Variants in PARP8 observed in about 807,000 individuals in gnomAD.
PARP8 encodes protein mono-ADP-ribosyltransferase PARP8.
PARP8 carries 51 observed loss-of-function variants against 124.1 expected under a neutral mutation model. The ratio of observed to expected loss-of-function variants is 0.41; its 90% confidence interval spans 0.33 to 0.52. The LOEUF is 0.52. Among genes scored for constraint, PARP8 ranks in the 20% least tolerant of loss-of-function variants. The pLI is 0.21. For synonymous variants in PARP8, 391 were observed against 361.5 expected, an observed-to-expected ratio of 1.08 and a Z score of -0.93; for missense variants, 860 against 1,018.9, an observed-to-expected ratio of 0.84 and a Z score of 2.12.
intron 2 of PARP8, chr5:50,744,590 T>G (rs113384542): frequency 1.3e-5 from 7 of 518,666 alleles, no homozygotes; most frequent in African/African-American, 9.5e-5. Flanking sequence ...AAGTTGTGAC[T>G]TTAAGAACCA....
At chr5:50,720,781 A>C (rs1755795732) in intron 2 of PARP8, among the ~76,000 whole-genome samples, 1 of 151,866 alleles carries the variant, frequency 6.6e-6, no homozygotes, top group South Asian at 2.1e-4. Flanking sequence ...CATGAAATAC[A>C]CCATGCTTTT....
At chr5:50,803,059 A>G (rs529119756) in intron 14 of PARP8, among the ~76,000 whole-genome samples, 1 of 152,232 alleles carries the variant, frequency 6.6e-6, no homozygotes, top group African/African-American at 2.4e-5. Context: ...TATTGTTTGA[A>G]GGATAGTTAT....
chr5:50,819,849 CTAGAG>C (rs1183755519), intron 15 of PARP8, among the ~76,000 whole-genome samples: 1 of 152,038 alleles, frequency 6.6e-6, no homozygotes, highest in Non-Finnish European at 1.5e-5. Context: ...ATGTGCATCT[CTAGAG>C]TAGAAGGAAT....
chr5:50,761,795 T>C (rs370274992), intron 5 of PARP8, 26 bp from the exon 6 acceptor site: 3 of 1,419,072 alleles, frequency 2.1e-6, no homozygotes, highest in Non-Finnish European at 2.0e-6. Flanking sequence ...GACCATTAAA[T>C]TGTTTTCTTA....
At chr5:50,821,475 C>A in intron 16 of PARP8, 137 bp downstream of exon 16, 1 of 979,398 alleles carries the variant, frequency 1.0e-6, no homozygotes, top group Non-Finnish European at 1.5e-6. Context: ...TATTTAATTT[C>A]ATCATATATT....
At position 50,706,841 on chromosome 5, in the gene PARP8, C is replaced by A. The variant is rs73101011; in HGVS notation, c.146+38716C>A. On this transcript the variant is annotated intron_variant, in intron 2 of 25. Transcript: ENST00000281631. ...AAAACAGATACCTTTTACCAGAGTGCTTTTACTTAAGTAAAACTTGGTTAA... is the reference window on the plus strand; with the variant it reads ...AAAACAGATACCTTTTACCAGAGTGATTTTACTTAAGTAAAACTTGGTTAA... Among the ~76,000 whole-genome samples, 1,024 of 152,066 alleles carry A rather than the reference C, an allele frequency of 6.7e-3. 17 individuals are homozygous for A. Among genetic ancestry groups the A allele is most frequent in the African/African-American group, 0.024 (983 of 41,510 alleles).
chr5:50,821,382 C>T (rs377348813), intron 16 of PARP8, 44 bp downstream of exon 16: 37 of 1,600,048 alleles, frequency 2.3e-5, no homozygotes, highest in Admixed American at 6.7e-5. Flanking sequence ...TTTTCTTTAA[C>T]AATAACAACA....
intron 7 of PARP8, among the ~76,000 whole-genome samples, chr5:50,772,255 A>G (rs1444312688): frequency 6.6e-6 from 1 of 152,124 alleles, no homozygotes; most frequent in Non-Finnish European, 1.5e-5. Context: ...TCATCTGTTA[A>G]TGGACACTTA....
At chr5:50,707,388 ATTT>A (rs1360604867) in intron 2 of PARP8, among the ~76,000 whole-genome samples, 1 of 152,118 alleles carries the variant, frequency 6.6e-6, no homozygotes, top group African/African-American at 2.4e-5. Flanking sequence ...TTAAATTTAG[ATTT>A]TTTATTTTTT....
At chr5:50,691,527 A>G (rs1752496472) in intron 2 of PARP8, among the ~76,000 whole-genome samples, 1 of 152,164 alleles carries the variant, frequency 6.6e-6, no homozygotes, top group African/African-American at 2.4e-5. Flanking sequence ...ATTTTAAATG[A>G]CAGTGTAATT....
intron 14 of PARP8, among the ~76,000 whole-genome samples, chr5:50,809,629 A>T (rs138619772): frequency 9.9e-5 from 15 of 152,164 alleles, no homozygotes; most frequent in Non-Finnish European, 2.2e-4. Flanking sequence ...TGAGAGCTAG[A>T]TATTATTTTT....
At chr5:50,825,433 C>T (rs1035420895) in intron 18 of PARP8, among the ~76,000 whole-genome samples, 1 of 152,150 alleles carries the variant, frequency 6.6e-6, no homozygotes, top group African/African-American at 2.4e-5. Flanking sequence ...TAACTCTTAA[C>T]TCTCTGCTTG....
intron 22 of PARP8, 145 bp downstream of exon 22, chr5:50,830,106 G>A: frequency 1.0e-6 from 1 of 982,444 alleles, no homozygotes; most frequent in Non-Finnish European, 1.4e-6. Flanking sequence ...CAAAAACAAA[G>A]CCCATTTTCA....
At chr5:50,700,591 A>G (rs1753491149) in intron 2 of PARP8, among the ~76,000 whole-genome samples, 1 of 152,204 alleles carries the variant, frequency 6.6e-6, no homozygotes, top group African/African-American at 2.4e-5. Flanking sequence ...ACTACAAGGA[A>G]ATAAACATAC....
intron 2 of PARP8, among the ~76,000 whole-genome samples, chr5:50,725,785 T>C (rs1029661380): frequency 1.3e-5 from 2 of 152,190 alleles, no homozygotes; most frequent in Non-Finnish European, 2.9e-5. Flanking sequence ...GATCTTAAGA[T>C]AGTCTTTCTA....
intron 14 of PARP8, among the ~76,000 whole-genome samples, chr5:50,801,479 A>G (rs1322567918): frequency 1.3e-5 from 2 of 152,076 alleles, no homozygotes; most frequent in Non-Finnish European, 2.9e-5. Context: ...TCAGATGTCA[A>G]ATTTATGTGA....
chr5:50,841,791 G>C (rs546271227), intron 25 of PARP8, among the ~76,000 whole-genome samples, 175 bp from the exon 26 acceptor site: 2 of 151,576 alleles, frequency 1.3e-5, no homozygotes, highest in Non-Finnish European at 3.0e-5. Context: ...GACATAGAAT[G>C]GGCTGTTCTG....
At chr5:50,810,862 T>C (rs1255529612) in intron 14 of PARP8, among the ~76,000 whole-genome samples, 1 of 152,060 alleles carries the variant, frequency 6.6e-6, no homozygotes, top group Admixed American at 6.6e-5. Context: ...AGCATTTACT[T>C]AGTATGGTGT....
chr5:50,835,540 A>C (rs1024495976), intron 25 of PARP8, among the ~76,000 whole-genome samples: 4 of 151,972 alleles, frequency 2.6e-5, no homozygotes, highest in Non-Finnish European at 5.9e-5. Context: ...CTGTCTCAAA[A>C]AGAAAAAAAA....
Sources: gnomAD v4.1 joint callset for allele counts (sites outside exome capture counted in the v4.1 genomes callset) on GRCh38, gnomAD v4.1.1 for gene constraint, MANE v1.5 for transcripts, NCBI Gene and HGNC (gene_info 2026-07-23, HGNC 2026-07-21) for gene names.